UMAD1: variants seen among roughly 807,000 people sequenced by gnomAD.
The protein encoded by UMAD1 is UBAP1-MVB12-associated (UMA)-domain containing protein 1.
A neutral mutation model predicts 6.1 loss-of-function variants in UMAD1; 8 were observed. The observed-to-expected ratio is 1.30, with a 90% CI of 0.76 to 2.35. The LOEUF (loss-of-function observed/expected upper bound fraction) is 2.35. UMAD1 is among the 30% of genes most tolerant of loss of function. The probability of loss-of-function intolerance (pLI) is 0.00; values close to 1 mark genes in which losing one functional copy is unlikely to be tolerated. For synonymous variants in UMAD1, 56 were observed against 31.4 expected, an observed-to-expected ratio of 1.78 and a Z score of -2.61; for missense variants, 130 against 78.4, an observed-to-expected ratio of 1.66 and a Z score of -2.49.
At chr7:7,658,081 G>T (rs1330238863) in intron 1 of UMAD1, among the ~76,000 whole-genome samples, 7 of 152,318 alleles carry the variant, frequency 4.6e-5, no homozygotes, top group Non-Finnish European at 7.4e-5. Context: ...AATTGTGAAT[G>T]GGAGTTCACT....
chr7:7,766,899 G>C (rs1781994428), intron 2 of UMAD1, among the ~76,000 whole-genome samples: 1 of 152,054 alleles, frequency 6.6e-6, no homozygotes, highest in South Asian at 2.1e-4. Context: ...AAAAATCCTT[G>C]CCTTTATGGA....
intron 2 of UMAD1, among the ~76,000 whole-genome samples, chr7:7,730,325 G>A (rs1417006367): frequency 6.6e-6 from 1 of 152,122 alleles, no homozygotes; most frequent in Non-Finnish European, 1.5e-5. Flanking sequence ...ACCTGGCAGG[G>A]ACGTTTTAGA....
intron 2 of UMAD1, among the ~76,000 whole-genome samples, chr7:7,729,245 A>G (rs994910866): frequency 6.6e-6 from 1 of 152,220 alleles, no homozygotes; most frequent in African/African-American, 2.4e-5. Context: ...AGCATGGAAC[A>G]TGATGAGGCT....
chr7:7,712,249 C>A (rs189583948), intron 2 of UMAD1, among the ~76,000 whole-genome samples: 1 of 152,078 alleles, frequency 6.6e-6, no homozygotes, highest in East Asian at 1.9e-4. Flanking sequence ...TCAAACCTAC[C>A]CACTCTGATG....
intron 2 of UMAD1, among the ~76,000 whole-genome samples, chr7:7,756,502 A>G (rs1327676409): frequency 2.6e-5 from 4 of 152,120 alleles, no homozygotes; most frequent in Non-Finnish European, 5.9e-5. Context: ...CCAGGATCTT[A>G]TTCTTTGTGT....
chr7:7,668,744 G>C (rs1262614878), intron 1 of UMAD1, among the ~76,000 whole-genome samples: 1 of 152,168 alleles, frequency 6.6e-6, no homozygotes, highest in South Asian at 2.1e-4. Flanking sequence ...GAATGTTAGT[G>C]ATACATACAT....
intron 2 of UMAD1, among the ~76,000 whole-genome samples, chr7:7,733,890 TTAGAG>T (rs1422068996): frequency 6.6e-6 from 1 of 151,968 alleles, no homozygotes; most frequent in African/African-American, 2.4e-5. Flanking sequence ...ACATCTCTCT[TTAGAG>T]AAGAAAATAT....
chr7:7,740,946 A>G (rs1432748571), intron 2 of UMAD1: 2 of 152,232 alleles, frequency 1.3e-5, no homozygotes, highest in East Asian at 1.9e-4. Context: ...GTGAGAATTC[A>G]TGTCTGCCCT....
chr7:7,855,463 C>G (rs144995134), intron 3 of UMAD1, among the ~76,000 whole-genome samples: 1 of 152,260 alleles, frequency 6.6e-6, no homozygotes, highest in East Asian at 1.9e-4. Flanking sequence ...CTGGAAGCTG[C>G]CAAGGCTTGG....
At chr7:7,750,348 A>T (rs1002502316) in intron 2 of UMAD1, among the ~76,000 whole-genome samples, 2 of 152,180 alleles carry the variant, frequency 1.3e-5, no homozygotes, top group Admixed American at 1.3e-4. Flanking sequence ...CTTCCTCATT[A>T]TCAGAGATAG....
Position 7,865,992 on chromosome 7 carries a change from T to C in UMAD1, c.157-11289T>C, listed in dbSNP as rs192376364. ...GCAAGTCAAGGAATAACTTATCTCATGCTTGAGGAAATGGATGTAGCTGGA... is the reference window on the plus strand; with the variant it reads ...GCAAGTCAAGGAATAACTTATCTCACGCTTGAGGAAATGGATGTAGCTGGA... On this transcript the variant is annotated intron_variant, in intron 3 of 3. Coordinates refer to ENST00000682710, the MANE Select transcript of UMAD1 (RefSeq NM_001302348.2). Among the ~76,000 whole-genome samples, 294 of 152,330 alleles carry C rather than the reference T, an allele frequency of 1.9e-3. 3 individuals are homozygous for C. The highest frequency in any genetic ancestry group is 5.4e-4 in the Non-Finnish European group (37 of 68,020).
intron 2 of UMAD1, among the ~76,000 whole-genome samples, chr7:7,797,707 G>C (rs546336783): frequency 1.0e-5 from 1 of 97,800 alleles, no homozygotes; most frequent in Admixed American, 1.1e-4. Flanking sequence ...TTTTTTTTTT[G>C]AGACGAGGTC....
chr7:7,820,708 C>G (rs189881074), intron 3 of UMAD1, among the ~76,000 whole-genome samples: 1 of 151,944 alleles, frequency 6.6e-6, no homozygotes, highest in Non-Finnish European at 1.5e-5. Context: ...TACTCATTTG[C>G]TTTTAGTTAT....
At chr7:7,705,427 G>T (rs1430866192) in intron 2 of UMAD1, among the ~76,000 whole-genome samples, 1 of 152,170 alleles carries the variant, frequency 6.6e-6, no homozygotes, top group Non-Finnish European at 1.5e-5. Context: ...TAACTATGTA[G>T]GTTTAAGTTA....
intron 3 of UMAD1, among the ~76,000 whole-genome samples, chr7:7,857,227 T>G (rs1048850668): frequency 6.6e-6 from 1 of 152,240 alleles, no homozygotes; most frequent in Non-Finnish European, 1.5e-5. Context: ...CCCCTTTTCT[T>G]CCACAGTTAA....
intron 2 of UMAD1, among the ~76,000 whole-genome samples, chr7:7,682,554 T>G (rs1242434808): frequency 6.6e-6 from 1 of 152,188 alleles, no homozygotes; most frequent in Non-Finnish European, 1.5e-5. Context: ...GGACAGTAAG[T>G]CACTTTGATT....
At chr7:7,868,899 G>A (rs1426604129) in intron 3 of UMAD1, among the ~76,000 whole-genome samples, 1 of 152,132 alleles carries the variant, frequency 6.6e-6, no homozygotes, top group Non-Finnish European at 1.5e-5. Flanking sequence ...AAAAGAAGGG[G>A]ACCAGATCTA....
At chr7:7,790,674 T>C (rs1273054461) in intron 2 of UMAD1, among the ~76,000 whole-genome samples, 4 of 152,244 alleles carry the variant, frequency 2.6e-5, no homozygotes, top group Non-Finnish European at 4.4e-5. Context: ...ACTTTAAGTA[T>C]GGCATAGCAA....
Position 7,854,641 on chromosome 7 carries a change from C to T in UMAD1, c.157-22640C>T, listed in dbSNP as rs1389080593. Among the ~76,000 whole-genome samples the T allele has an allele frequency of 2.0e-5, 3 of 152,132 alleles. No individual in the cohort carries two copies. In the East Asian group the frequency reaches 5.8e-4, roughly 29 times the overall value. ...CTTGGATGTTATGGGGGTTACAATT[C>T]AAGATGAGATTTGGGTGGGGACACA... On this transcript the variant is annotated intron_variant, in intron 3 of 3. Coordinates refer to ENST00000682710, the MANE Select transcript of UMAD1 (RefSeq NM_001302348.2).
Sources: allele counts gnomAD v4.1 joint callset (sites outside exome capture counted in the v4.1 genomes callset), GRCh38; gene constraint gnomAD v4.1.1; transcripts MANE v1.5; gene names NCBI Gene and HGNC (gene_info 2026-07-23, HGNC 2026-07-21).